The following FAM227A variants were observed in gnomAD, a reference collection of about 807,000 sequenced individuals.
The protein encoded by FAM227A is protein FAM227A.
A neutral mutation model predicts 74.7 loss-of-function variants in FAM227A; 80 were observed. The ratio of observed to expected loss-of-function variants is 1.07; its 90% CI spans 0.89 to 1.29. The LOEUF is 1.29. Among genes scored for constraint, FAM227A ranks in the 50% most tolerant of loss-of-function variants. The probability of loss-of-function intolerance (pLI) is 0.00; values close to 1 mark genes in which losing one functional copy is unlikely to be tolerated. For synonymous variants in FAM227A, 237 were observed against 241.8 expected (o/e 0.98, Z 0.19); for missense variants, 654 against 683.4 (o/e 0.96, Z 0.48).
chr22:38,636,067 AG>A (rs2091999423), intron 6 of FAM227A, among the ~76,000 whole-genome samples: 6 of 151,142 alleles, frequency 4.0e-5, no homozygotes, highest in African/African-American at 1.5e-4. Flanking sequence ...AAAGAAAGAA[AG>A]AAAAAAGAAA....
At position 38,648,378 on chromosome 22, in the gene FAM227A, C is replaced by T. The variant is rs757867529; in HGVS notation, c.142+1649G>A. ...TCCCAAGCACTTTGGGAGGCTGAGG[C>T]AGGCGGATCACCTGAGGTCAGGAGT... On this transcript the variant is annotated intron_variant, in intron 2 of 16. Transcript: ENST00000535113. 6.7e-3 allele frequency among the ~76,000 whole-genome samples: 968 copies of T among 145,306 alleles called. 10 individuals carry two copies. The highest frequency in any genetic ancestry group is 0.017 in the Middle Eastern group (4 of 236).
intron 16 of FAM227A, among the ~76,000 whole-genome samples, chr22:38,589,756 T>A (rs1332465443): frequency 6.6e-6 from 1 of 152,132 alleles, no homozygotes; most frequent in Non-Finnish European, 1.5e-5. Flanking sequence ...CAAAATTCTG[T>A]AGAATATTGA....
chr22:38,600,334 A>ATT (rs2091145006), intron 13 of FAM227A, among the ~76,000 whole-genome samples: 1 of 149,870 alleles, frequency 6.7e-6, no homozygotes, highest in Non-Finnish European at 1.5e-5. Flanking sequence ...ATATATATAT[A>ATT]ATTTTATTTT....
chr22:38,637,724 A>G (rs1034451143), intron 5 of FAM227A, among the ~76,000 whole-genome samples: 3 of 152,272 alleles, frequency 2.0e-5, no homozygotes, highest in African/African-American at 7.2e-5. Context: ...ATTGTATGAC[A>G]GTTCCAATGC....
At position 38,642,341 on chromosome 22, in the gene FAM227A, C is replaced by T. The variant is rs117237439; in HGVS notation, c.226-2617G>A. Among the ~76,000 whole-genome samples the T allele has an allele frequency of 1.5e-3, 231 of 152,190 alleles. 3 individuals are homozygous for T. The East Asian group carries it at 0.029, about 19-fold the overall frequency. ...ATTCTGGAGGCTCAGTGTAGACACC[C>T]TGAGAGGTAAAAACTCCAGCCATCA... On this transcript the variant is annotated intron_variant, in intron 3 of 16. Coordinates refer to ENST00000535113, the MANE Select transcript of FAM227A (RefSeq NM_001013647.2).
chr22:38,632,157 T>A (rs908988739), intron 6 of FAM227A, among the ~76,000 whole-genome samples: 1 of 152,090 alleles, frequency 6.6e-6, no homozygotes, highest in Admixed American at 6.6e-5. Context: ...GGCAGAGGGA[T>A]GGAGCGATAT....
At chr22:38,635,685 T>C (rs946130226) in intron 6 of FAM227A, among the ~76,000 whole-genome samples, 4 of 152,080 alleles carry the variant, frequency 2.6e-5, no homozygotes, top group African/African-American at 9.7e-5. Context: ...TTCTAACTAA[T>C]GTCTACATAA....
At chr22:38,615,052 G>A (rs908705427) in intron 11 of FAM227A, among the ~76,000 whole-genome samples, 10 of 152,176 alleles carry the variant, frequency 6.6e-5, no homozygotes, top group African/African-American at 1.9e-4. Flanking sequence ...AGATAGAACA[G>A]CAATAAATGT....
At chr22:38,643,635 A>G (rs1353064361) in intron 3 of FAM227A, among the ~76,000 whole-genome samples, 4 of 152,040 alleles carry the variant, frequency 2.6e-5, no homozygotes, top group Admixed American at 2.6e-4. Flanking sequence ...GGATCTAGCA[A>G]TTGTGCTCCC....
chr22:38,625,580 G>C (rs1379472145), intron 9 of FAM227A, among the ~76,000 whole-genome samples: 1 of 152,026 alleles, frequency 6.6e-6, no homozygotes, highest in African/African-American at 2.4e-5. Flanking sequence ...TTAACTAACA[G>C]GGCTGTGTTG....
Position 38,636,451 on chromosome 22 carries a change from C to T in FAM227A, c.519G>A (p.Lys173=), listed in dbSNP as rs764036871. 2.6e-6 allele frequency: 4 copies of T among 1,550,634 alleles called. No individual in the cohort carries two copies. In the South Asian group the frequency reaches 3.6e-5, roughly 14 times the overall value. The change falls in exon 6 of 17, where the codon AAG becomes AAA. Residue 173 remains lysine (K), a splice_region_variant and synonymous_variant. Coordinates refer to ENST00000535113, the MANE Select transcript of FAM227A (RefSeq NM_001013647.2). ...AGGGCAGGCACTGCTTTTTCCTCACCTTGCCACTAAGGCAGTCTCTCTCAG... is the reference window on the plus strand; with the variant it reads ...AGGGCAGGCACTGCTTTTTCCTCACTTTGCCACTAAGGCAGTCTCTCTCAG... ...VRAERDCLSG[K]HFCSGRELEK...
Position 38,580,750 on chromosome 22 carries a change from T to C in FAM227A, c.*5375A>G, listed in dbSNP as rs958920053. 2 of 152,156 alleles carry C rather than the reference T, an allele frequency of 1.3e-5. No individual in the cohort carries two copies. Among genetic ancestry groups the C allele is most frequent in the Non-Finnish European group, 2.9e-5 (2 of 68,032 alleles). 9.4% of individuals were successfully genotyped at this position (152,156 alleles called of 1,614,324 possible). A position where few individuals can be genotyped will look rare whatever the true frequency, so the allele number is the denominator to read the frequency against. On this transcript the variant is annotated 3_prime_UTR_variant, in exon 17 of 17. Transcript: ENST00000535113. Reference sequence around the variant, plus strand: ...CAATTTTCAAAATAATGAGGAAGTTTCCTAGTATCCAATTAGTTTCCTCCT... The same window carrying C: ...CAATTTTCAAAATAATGAGGAAGTTCCCTAGTATCCAATTAGTTTCCTCCT...
At chr22:38,620,762 T>C (rs986354614) in intron 10 of FAM227A, among the ~76,000 whole-genome samples, 3 of 151,168 alleles carry the variant, frequency 2.0e-5, no homozygotes, top group Middle Eastern at 3.4e-3. Flanking sequence ...TGAGCCGAGA[T>C]TGCGTCACTG....
At chr22:38,618,971 G>GA (rs1234791699) in intron 11 of FAM227A, among the ~76,000 whole-genome samples, 3,927 of 81,322 alleles carry the variant, frequency 0.048, 125 homozygotes, top group African/African-American at 0.13. Flanking sequence ...CAGCTCTTCA[G>GA]AAAAAAAAAA....
At chr22:38,633,037 G>A (rs1315568136) in intron 6 of FAM227A, among the ~76,000 whole-genome samples, 1 of 152,178 alleles carries the variant, frequency 6.6e-6, no homozygotes, top group South Asian at 2.1e-4. Flanking sequence ...GGTGGGAAAG[G>A]CTTTTGTCCT....
At chr22:38,622,702 C>G (rs2091715782) in intron 10 of FAM227A, among the ~76,000 whole-genome samples, 1 of 151,786 alleles carries the variant, frequency 6.6e-6, no homozygotes, top group Admixed American at 6.6e-5. Flanking sequence ...ATGGCAAAAC[C>G]CTGTCTCTAC....
chr22:38,595,129 T>G (rs1396894913), intron 15 of FAM227A, among the ~76,000 whole-genome samples: 1 of 152,096 alleles, frequency 6.6e-6, no homozygotes, highest in East Asian at 1.9e-4. Context: ...TAAAACCCAA[T>G]TGTATTATAT....
At position 38,599,745 on chromosome 22, in the gene FAM227A, C is replaced by A. The variant is rs1045643212; in HGVS notation, c.1379+19G>T. The A allele has an allele frequency of 1.3e-6, 2 of 1,546,648 alleles. No homozygotes were observed. Among genetic ancestry groups the A allele is most frequent in the Middle Eastern group, 1.7e-4 (1 of 5,906 alleles). On this transcript the variant is annotated intron_variant, in intron 14 of 16. Coordinates refer to ENST00000535113, the MANE Select transcript of FAM227A (RefSeq NM_001013647.2). ...GGGGCCTGGAGCAGTGCGCACCCTG[C>A]CCACAGTGACAAGGATATGGGGTGC...
chr22:38,587,333 T>C lies in FAM227A; in HGVS notation c.1639-1134A>G, dbSNP rs375679596. 2.6e-4 allele frequency among the ~76,000 whole-genome samples: 40 copies of C among 152,234 alleles called. No individual in the cohort carries two copies. The East Asian group carries it at 6.4e-3, about 24-fold the overall frequency. Reference sequence around the variant, plus strand: ...AAAGTCAATTGAAAGAAACAAAATGTTAGTTATCAACAAAATTAACAAACT... The same window carrying C: ...AAAGTCAATTGAAAGAAACAAAATGCTAGTTATCAACAAAATTAACAAACT... On this transcript the variant is annotated intron_variant, in intron 16 of 16. Transcript: ENST00000535113.
Sources: allele counts gnomAD v4.1 joint callset (sites outside exome capture counted in the v4.1 genomes callset), GRCh38; gene constraint gnomAD v4.1.1; transcripts MANE v1.5; gene names NCBI Gene and HGNC (gene_info 2026-07-23, HGNC 2026-07-21).